IL17RD: variants seen among roughly 807,000 people sequenced by gnomAD.
The protein encoded by IL17RD is interleukin-17 receptor D.
IL17RD carries 52 observed loss-of-function variants against 80.5 expected under a neutral mutation model. That is an observed-to-expected ratio of 0.65 (90% CI 0.52 to 0.81). IL17RD has a LOEUF of 0.81. Ranked by LOEUF, IL17RD falls within the 40% of genes least tolerant of loss-of-function variation. The pLI is 0.00. For synonymous variants in IL17RD, 416 were observed against 391.8 expected, an observed-to-expected ratio of 1.06 and a Z score of -0.73; for missense variants, 1,024 against 955.1, an observed-to-expected ratio of 1.07 and a Z score of -0.95.
rs1195329355 is a variant in IL17RD, at chr3:57,127,415, T to A, written c.127-7102A>T. 9.5e-5 allele frequency among the ~76,000 whole-genome samples: 12 copies of A among 125,940 alleles called. 1 individual carries two copies. Among genetic ancestry groups the A allele is most frequent in the East Asian group, 5.8e-4 (2 of 3,426 alleles). 82.6% of individuals were successfully genotyped at this position (125,940 alleles called of 152,430 possible). ...AAATAAATATATATATATATATATT[T>A]TTTTTTTGAGATAAGAGTCTTGCTT... On this transcript the variant is annotated intron_variant, in intron 1 of 12. Transcript: ENST00000296318.
At chr3:57,165,122 G>A (rs1035487417) in intron 1 of IL17RD, 39 bp downstream of exon 1, 6 of 1,491,918 alleles carry the variant, frequency 4.0e-6, no homozygotes, top group Non-Finnish European at 4.4e-6. Context: ...CGTCCCCCGC[G>A]AGTTGGCGAC....
chr3:57,156,961 C>G (rs1180861338), intron 1 of IL17RD, among the ~76,000 whole-genome samples: 3 of 152,088 alleles, frequency 2.0e-5, no homozygotes, highest in Non-Finnish European at 4.4e-5. Flanking sequence ...ATAAAAACAT[C>G]AAATTTGTTT....
At chr3:57,103,737 C>T (rs1176138202) in intron 8 of IL17RD, among the ~76,000 whole-genome samples, 2 of 151,916 alleles carry the variant, frequency 1.3e-5, no homozygotes, top group Non-Finnish European at 2.9e-5. Context: ...GGGAGTTTCA[C>T]TCTTTCACCC....
chr3:57,169,274 C>T (rs376953757), upstream of IL17RD: 19 of 517,512 alleles, frequency 3.7e-5, no homozygotes, highest in Non-Finnish European at 5.8e-5. Context: ...ACACTTTCAG[C>T]CACTCCTCGT....
At chr3:57,163,803 AG>A (rs1401715931) in intron 1 of IL17RD, among the ~76,000 whole-genome samples, 2 of 5,526 alleles carry the variant, frequency 3.6e-4, no homozygotes, top group Admixed American at 1.1e-3. Context: ...CGGGGGGGGA[AG>A]GGGGTGGCGG....
Position 57,127,196 on chromosome 3 carries a change from AT to A in IL17RD, c.127-6884del, listed in dbSNP as rs200111438. 1.6e-3 allele frequency among the ~76,000 whole-genome samples: 193 copies of A among 121,710 alleles called. 13 individuals carry two copies. The highest frequency in any genetic ancestry group is 7.1e-3 in the African/African-American group (174 of 24,480). 79.8% of individuals were successfully genotyped at this position (121,710 alleles called of 152,430 possible). ...AAGGCCAACTCATATATATATATAT[AT>A]AAATATATATAAAAATATATATAAA... On this transcript the variant is annotated intron_variant, in intron 1 of 12. Coordinates refer to ENST00000296318, the MANE Select transcript of IL17RD (RefSeq NM_017563.5).
In IL17RD at chr3:57,091,357, A is replaced by G. The variant is rs1360626109; in HGVS notation, c.*5036T>C. 1 of 152,502 alleles carries G rather than the reference A, an allele frequency of 6.6e-6. No individual in the cohort carries two copies. Among genetic ancestry groups the G allele is most frequent in the East Asian group, 1.9e-4 (1 of 5,194 alleles). 9.4% of individuals were successfully genotyped at this position (152,502 alleles called of 1,614,324 possible). A position where few individuals can be genotyped will look rare whatever the true frequency, so the allele number is the denominator to read the frequency against. ...TCATCAGGGGAAAAATGTGGCAGTC[A>G]AATAATTCTCAATGAATATAGGTGA... is the stretch of plus-strand genomic sequence containing the variant. On this transcript the variant is annotated 3_prime_UTR_variant, in exon 13 of 13. Transcript: ENST00000296318.
chr3:57,126,117 G>T (rs529391235), intron 1 of IL17RD, among the ~76,000 whole-genome samples: 11 of 152,200 alleles, frequency 7.2e-5, no homozygotes. Context: ...TATTTAATGA[G>T]CTGACGATTA....
chr3:57,145,846 CT>C lies in IL17RD; in HGVS notation c.126+19314del, dbSNP rs1314447848. Reference sequence around the variant, plus strand: ...CTGTCCATAGTCACAAGCAGTCAGCCTGAGATGCTCTCATCACACATGTCAC... The same window carrying C: ...CTGTCCATAGTCACAAGCAGTCAGCCGAGATGCTCTCATCACACATGTCAC... On this transcript the variant is annotated intron_variant, in intron 1 of 12. Coordinates refer to ENST00000296318, the MANE Select transcript of IL17RD (RefSeq NM_017563.5). 2.6e-5 allele frequency among the ~76,000 whole-genome samples: 4 copies of C among 152,234 alleles called. No individual in the cohort carries two copies. The East Asian group carries it at 7.7e-4, about 29-fold the overall frequency.
At chr3:57,102,114 T>C (rs545536246) in intron 10 of IL17RD, among the ~76,000 whole-genome samples, 187 of 152,172 alleles carry the variant, frequency 1.2e-3, no homozygotes, top group African/African-American at 4.0e-3. Flanking sequence ...AATTTTTTTT[T>C]AAAATTAGCC....
At position 57,098,543 on chromosome 3, in the gene IL17RD, A is replaced by T. The variant is rs766678847; in HGVS notation, c.1165-5T>A. ...TTCCCACAGGTCCAGAGCCACCTGGAAAGAGAACAAGGCACCTCACCCATA... is the reference window on the plus strand; with the variant it reads ...TTCCCACAGGTCCAGAGCCACCTGGTAAGAGAACAAGGCACCTCACCCATA... On this transcript the variant is annotated splice_polypyrimidine_tract_variant and splice_region_variant and intron_variant, in intron 11 of 12. Coordinates refer to ENST00000296318, the MANE Select transcript of IL17RD (RefSeq NM_017563.5). 2 of 1,576,138 alleles carry T rather than the reference A, an allele frequency of 1.3e-6. No homozygotes were observed. Among genetic ancestry groups the T allele is most frequent in the South Asian group, 2.4e-5 (2 of 85,040 alleles).
chr3:57,169,007 C>A (rs1330170901), upstream of IL17RD, among the ~76,000 whole-genome samples: 1 of 152,242 alleles, frequency 6.6e-6, no homozygotes, highest in Non-Finnish European at 1.5e-5. Context: ...CGTGAGCCGC[C>A]GCTCCCAGTC....
intron 1 of IL17RD, among the ~76,000 whole-genome samples, chr3:57,161,730 G>A (rs1214870058): frequency 1.3e-5 from 2 of 152,334 alleles, no homozygotes; most frequent in East Asian, 3.9e-4. Context: ...CAAGGGGAGG[G>A]AGAACTTCAG....
intron 1 of IL17RD, among the ~76,000 whole-genome samples, chr3:57,163,802 A>AGGGG (rs1559489790): frequency 1.4e-4 from 1 of 7,376 alleles, no homozygotes; most frequent in Non-Finnish European, 2.9e-4. Context: ...GCGGGGGGGG[A>AGGGG]AGGGGGTGGC....
chr3:57,112,694 C>T (rs1707125984), intron 3 of IL17RD, among the ~76,000 whole-genome samples: 1 of 151,788 alleles, frequency 6.6e-6, no homozygotes, highest in South Asian at 2.1e-4. Context: ...TTTGGAAACC[C>T]CAGTAGGTTA....
intron 1 of IL17RD, among the ~76,000 whole-genome samples, chr3:57,141,718 C>T (rs1438105045): frequency 1.3e-5 from 2 of 152,104 alleles, no homozygotes; most frequent in East Asian, 3.8e-4. Flanking sequence ...TTGCAATTCT[C>T]CCCATACTAG....
intron 1 of IL17RD, 182 bp downstream of exon 1, chr3:57,164,979 C>T (rs2060336854): frequency 7.5e-7 from 1 of 1,331,008 alleles, no homozygotes; most frequent in Non-Finnish European, 9.6e-7. Context: ...TCGGCCAGGG[C>T]CGGAGGACAC....
chr3:57,110,090 G>A, intron 4 of IL17RD, 103 bp downstream of exon 4: 1 of 1,344,490 alleles, frequency 7.4e-7, no homozygotes, highest in Non-Finnish European at 1.0e-6. Context: ...GGGTGGGGTG[G>A]ACCCCATAGC....
chr3:57,097,559 T>G, intron 12 of IL17RD, 37 bp downstream of exon 12: 1 of 1,482,172 alleles, frequency 6.7e-7, no homozygotes. Flanking sequence ...GGTCAAAGGC[T>G]GCGGCCTGTT....
Sources: allele counts gnomAD v4.1 joint callset (sites outside exome capture counted in the v4.1 genomes callset), GRCh38; gene constraint gnomAD v4.1.1; transcripts MANE v1.5; gene names NCBI Gene and HGNC (gene_info 2026-07-23, HGNC 2026-07-21).